YWHAE: variants seen among roughly 807,000 people sequenced by gnomAD.
YWHAE encodes 14-3-3 protein epsilon.
In YWHAE, 4 loss-of-function variants were observed where a neutral mutation model predicts 30.1. That is an observed-to-expected ratio of 0.13 (90% CI 0.07 to 0.30). The LOEUF is 0.30. YWHAE is among the 10% of genes least tolerant of loss of function. The pLI, the probability that YWHAE is intolerant of heterozygous loss-of-function variation, is 1.00. For missense variants in YWHAE, 121 were observed against 315.9 expected (o/e 0.38, Z 4.68); for synonymous variants, 118 against 111.8 (o/e 1.06, Z -0.35).
intron 1 of YWHAE, among the ~76,000 whole-genome samples, chr17:1,375,721 G>C (rs1327210984): frequency 6.6e-6 from 1 of 152,140 alleles, no homozygotes; most frequent in African/African-American, 2.4e-5. Flanking sequence ...TAATAGCCTA[G>C]ACACAGATCC....
In YWHAE at chr17:1,361,989, A is replaced by G. The variant is rs1232316948; in HGVS notation, c.284T>C (p.Leu95Ser). Reference protein sequence around the residue: ...YRQMVETELKLICCDILDVLD... With the variant: ...YRQMVETELKSICCDILDVLD... ...TACATCCAGAATGTCACAACAGATT[A>G]ACTTTAGCTCAGTCTCAACCTAAAA... Residue 95 changes from leucine (L) to serine (S), a missense_variant, in exon 3 of 6, where the codon TTA becomes TCA. Transcript: ENST00000264335. The G allele has an allele frequency of 6.3e-7, 1 of 1,594,174 alleles. No homozygotes were observed. The highest frequency in any genetic ancestry group is 8.5e-7 in the Non-Finnish European group (1 of 1,174,178).
intron 1 of YWHAE, among the ~76,000 whole-genome samples, chr17:1,379,273 TGAGGAGTCTAAGCC>T (rs1369613636): frequency 4.6e-5 from 7 of 151,928 alleles, no homozygotes; most frequent in African/African-American, 1.2e-4. Context: ...CTGCTTGAGC[TGAGGAGTCTAAGCC>T]CAGTCTGGGG....
intron 1 of YWHAE, chr17:1,369,603 A>G (rs1303347826): frequency 1.3e-5 from 2 of 152,178 alleles, no homozygotes; most frequent in Admixed American, 6.6e-5. Context: ...CCCCAAACCC[A>G]TTAACCATCA....
chr17:1,375,097 A>G (rs1300940220), intron 1 of YWHAE, among the ~76,000 whole-genome samples: 2 of 152,182 alleles, frequency 1.3e-5, no homozygotes, highest in Non-Finnish European at 2.9e-5. Flanking sequence ...CACTCCTTCA[A>G]GAGTATGGAA....
intron 1 of YWHAE, among the ~76,000 whole-genome samples, chr17:1,384,442 A>G (rs1468871870): frequency 6.6e-6 from 1 of 151,620 alleles, no homozygotes; most frequent in South Asian, 2.1e-4. Flanking sequence ...CTGTAATCCC[A>G]GCACTTTGGG....
intron 1 of YWHAE, among the ~76,000 whole-genome samples, chr17:1,378,287 G>T (rs1300422266): frequency 2.6e-5 from 4 of 152,236 alleles, no homozygotes; most frequent in African/African-American, 9.6e-5. Flanking sequence ...ATATGAGAAT[G>T]CTCAGGAATT....
chr17:1,391,996 C>T (rs776151684), intron 1 of YWHAE, among the ~76,000 whole-genome samples: 2 of 151,958 alleles, frequency 1.3e-5, no homozygotes, highest in African/African-American at 2.4e-5. Flanking sequence ...GCAGGTGAAT[C>T]TTGAGCTCGA....
rs544115909 is a variant in YWHAE at position 1,394,436 on chromosome 17, C to CAAAAAAAAAAAAAA, written c.64+5597_64+5610dup. Reference sequence around the variant, plus strand: ...GGGCAACATAGAGACCTCAAATCCACAAAAAAAAAAAAAAAAAAAAAAAAA... The same window carrying CAAAAAAAAAAAAAA: ...GGGCAACATAGAGACCTCAAATCCACAAAAAAAAAAAAAAAAAAAAAAAAAAAAAAAAAAAAAAA... On this transcript the variant is annotated intron_variant, in intron 1 of 5. Transcript: ENST00000264335. 8.2e-4 allele frequency among the ~76,000 whole-genome samples: 48 copies of CAAAAAAAAAAAAAA among 58,542 alleles called. 1 individual carries two copies. Among genetic ancestry groups the CAAAAAAAAAAAAAA allele is most frequent in the African/African-American group, 3.0e-3 (34 of 11,336 alleles). The allele number at this position is 58,542 out of a possible 152,430, so 38.4% of individuals were successfully genotyped here.
intron 1 of YWHAE, among the ~76,000 whole-genome samples, chr17:1,372,599 C>T (rs1295863640): frequency 2.0e-5 from 3 of 152,142 alleles, no homozygotes; most frequent in East Asian, 1.9e-4. Context: ...GGTTGTTAAT[C>T]GGCCTAATTT....
rs115550246 is a variant in YWHAE, at chr17:1,386,674, G to A, written c.64+13373C>T. 3.3e-3 allele frequency among the ~76,000 whole-genome samples: 502 copies of A among 152,294 alleles called. 5 individuals are homozygous for A. The highest frequency in any genetic ancestry group is 0.011 in the African/African-American group (472 of 41,554). On this transcript the variant is annotated intron_variant, in intron 1 of 5. Transcript: ENST00000264335. ...CTCTAAAAGTAACTACATGAGCCAG[G>A]CACGGTGGCTCACGCCTATAATCCC...
chr17:1,363,438 G>A (rs775900323), intron 2 of YWHAE, among the ~76,000 whole-genome samples: 2 of 151,930 alleles, frequency 1.3e-5, no homozygotes, highest in Non-Finnish European at 1.5e-5. Flanking sequence ...GCTAATTTTT[G>A]TATTTTTAGT....
intron 1 of YWHAE, among the ~76,000 whole-genome samples, chr17:1,367,271 G>C (rs1362147817): frequency 2.0e-5 from 3 of 152,124 alleles, no homozygotes; most frequent in South Asian, 2.1e-4. Context: ...TAAGCACACT[G>C]ATGTTCACAT....
At chr17:1,370,493 C>T (rs1365566906) in intron 1 of YWHAE, among the ~76,000 whole-genome samples, 3 of 148,576 alleles carry the variant, frequency 2.0e-5, no homozygotes, top group African/African-American at 7.5e-5. Context: ...GGCAGTGGCA[C>T]AATCTCGGCT....
At chr17:1,382,852 C>A (rs541207169) in intron 1 of YWHAE, among the ~76,000 whole-genome samples, 1 of 151,794 alleles carries the variant, frequency 6.6e-6, no homozygotes, top group African/African-American at 2.4e-5. Context: ...TGGCGAAACC[C>A]CATCTCTACT....
intron 1 of YWHAE, among the ~76,000 whole-genome samples, chr17:1,369,225 G>A (rs746087429): frequency 2.0e-5 from 3 of 152,076 alleles, no homozygotes; most frequent in Non-Finnish European, 4.4e-5. Flanking sequence ...CTATTCGGCC[G>A]GGAGCAGGGG....
At chr17:1,366,409 G>A (rs1294213961) in intron 1 of YWHAE, among the ~76,000 whole-genome samples, 1 of 151,100 alleles carries the variant, frequency 6.6e-6, no homozygotes, top group African/African-American at 2.4e-5. Flanking sequence ...TTGGTGGTGC[G>A]CGCCTGTAAT....
At chr17:1,349,994 C>G (rs1374307923) in intron 5 of YWHAE, among the ~76,000 whole-genome samples, 1 of 149,966 alleles carries the variant, frequency 6.7e-6, no homozygotes, top group Non-Finnish European at 1.5e-5. Flanking sequence ...CTCTTGTTGC[C>G]CAGGCTGGAG....
At chr17:1,380,759 T>C (rs2073194461) in intron 1 of YWHAE, among the ~76,000 whole-genome samples, 1 of 152,166 alleles carries the variant, frequency 6.6e-6, no homozygotes, top group South Asian at 2.1e-4. Context: ...TAACCCAGAC[T>C]TTCCATTCTT....
At chr17:1,388,197 G>A (rs1488266984) in intron 1 of YWHAE, among the ~76,000 whole-genome samples, 4 of 127,244 alleles carry the variant, frequency 3.1e-5, no homozygotes, top group South Asian at 2.5e-4. Context: ...TCCTGACCTC[G>A]TGATCTGCCC....
Sources: gnomAD v4.1 joint callset for allele counts (sites outside exome capture counted in the v4.1 genomes callset) on GRCh38, gnomAD v4.1.1 for gene constraint, MANE v1.5 for transcripts, NCBI Gene and HGNC (gene_info 2026-07-23, HGNC 2026-07-21) for gene names.